The following ATP5F1A variants were observed in gnomAD, a reference collection of about 807,000 sequenced individuals.
ATP5F1A encodes the protein ATP synthase F(1) complex subunit alpha, mitochondrial.
ATP5F1A carries 24 observed loss-of-function variants against 57.4 expected under a neutral mutation model. The ratio of observed to expected loss-of-function variants is 0.42; its 90% CI spans 0.30 to 0.59. ATP5F1A has a LOEUF of 0.59. Among genes scored for constraint, ATP5F1A ranks in the 20% least tolerant of loss-of-function variants. The probability of loss-of-function intolerance (pLI) is 0.19; values close to 1 mark genes in which losing one functional copy is unlikely to be tolerated. For missense variants in ATP5F1A, 494 were observed against 707.9 expected, an observed-to-expected ratio of 0.70 and a Z score of 3.43; for synonymous variants, 251 against 255.5, an observed-to-expected ratio of 0.98 and a Z score of 0.17.
At position 46,091,678 on chromosome 18, in the gene ATP5F1A, T is replaced by C. The variant is rs575519975; in HGVS notation, c.309+4A>G. ...AAACACCAAAATCTTATTTTATAAT[T>C]TACCTTTAAGCCTGAAGAAAACTCT... On this transcript the variant is annotated splice_donor_region_variant and intron_variant, in intron 3 of 11. Coordinates refer to ENST00000398752, the MANE Select transcript of ATP5F1A (RefSeq NM_004046.6). The C allele has an allele frequency of 7.0e-6, 11 of 1,571,582 alleles. No individual in the cohort carries two copies. In the South Asian group the frequency reaches 1.1e-4, roughly 15 times the overall value.
At chr18:46,103,651 C>T (rs1449582705) in intron 1 of ATP5F1A, among the ~76,000 whole-genome samples, 1 of 137,744 alleles carries the variant, frequency 7.3e-6, no homozygotes, top group Non-Finnish European at 1.5e-5. Context: ...CGCGCTGGCT[C>T]ACGCCTGTAA....
chr18:46,088,910 C>G (rs1380695489), intron 5 of ATP5F1A, among the ~76,000 whole-genome samples: 4 of 152,006 alleles, frequency 2.6e-5, no homozygotes, highest in Non-Finnish European at 5.9e-5. Flanking sequence ...GTGAGATATG[C>G]TGGCAGCAAT....
chr18:46,085,335 A>AAGAC (rs1910004500), intron 10 of ATP5F1A: 1 of 151,308 alleles, frequency 6.6e-6, no homozygotes, highest in Non-Finnish European at 1.5e-5. Context: ...GAAAGAAAGA[A>AAGAC]AAAGAAAGAT....
chr18:46,087,658 T>G (rs1423388676), intron 6 of ATP5F1A, 166 bp from the exon 7 acceptor site: 2 of 722,778 alleles, frequency 2.8e-6, no homozygotes. Context: ...AGGCGGGTGA[T>G]CACCTGAGGT....
upstream of ATP5F1A, among the ~76,000 whole-genome samples, chr18:46,101,596 A>C (rs1911276440): frequency 6.7e-6 from 1 of 148,812 alleles, no homozygotes; most frequent in South Asian, 2.1e-4. Context: ...AAACAACAAC[A>C]ACAATAACAA....
chr18:46,103,974 C>A (rs1468600055), intron 1 of ATP5F1A, among the ~76,000 whole-genome samples: 1 of 152,078 alleles, frequency 6.6e-6, no homozygotes, highest in African/African-American at 2.4e-5. Flanking sequence ...GTTAAGATTG[C>A]CTCAGCTCAT....
upstream of ATP5F1A, among the ~76,000 whole-genome samples, chr18:46,101,777 A>G (rs1355875766): frequency 1.3e-5 from 2 of 151,686 alleles, no homozygotes; most frequent in African/African-American, 2.4e-5. Context: ...CTGTAATCCC[A>G]GCTATTTAGG....
At chr18:46,098,680 G>A (rs1325965790), upstream of ATP5F1A, among the ~76,000 whole-genome samples, 2 of 152,198 alleles carry the variant, frequency 1.3e-5, no homozygotes, top group African/African-American at 4.8e-5. Context: ...GTTAGACCGT[G>A]GTTTAGCACG....
Position 46,089,496 on chromosome 18 carries a change from A to G in ATP5F1A, c.650+70T>C, listed in dbSNP as rs1910385056. 3 of 1,563,176 alleles carry G rather than the reference A, an allele frequency of 1.9e-6. No individual in the cohort carries two copies. In the African/African-American group the frequency reaches 4.1e-5, roughly 21 times the overall value. ...TGTCCCCATTACCATTTACCATTCC[A>G]AGACTAAAATATAATCCTTCCATTG... On this transcript the variant is annotated intron_variant, in intron 5 of 11. Coordinates refer to ENST00000398752, the MANE Select transcript of ATP5F1A (RefSeq NM_004046.6).
At chr18:46,095,508 G>A (rs1214950882) in intron 1 of ATP5F1A, among the ~76,000 whole-genome samples, 1 of 151,830 alleles carries the variant, frequency 6.6e-6, no homozygotes, top group East Asian at 1.9e-4. Flanking sequence ...GTAGAGACGG[G>A]GTTTCACCAT....
At chr18:46,088,853 G>A (rs866338151) in intron 5 of ATP5F1A, among the ~76,000 whole-genome samples, 4 of 151,864 alleles carry the variant, frequency 2.6e-5, no homozygotes, top group Non-Finnish European at 2.9e-5. Context: ...AAACCCAATC[G>A]TACATTCTAT....
chr18:46,091,620 G>A (rs996150382), intron 3 of ATP5F1A, 62 bp downstream of exon 3: 45 of 1,443,554 alleles, frequency 3.1e-5, no homozygotes, highest in South Asian at 2.5e-4. Flanking sequence ...TCTTTGAATC[G>A]CTAAATGAAT....
At chr18:46,097,779 C>T in intron 1 of ATP5F1A, 1 of 1,023,298 alleles carries the variant, frequency 9.8e-7, no homozygotes, top group Non-Finnish European at 1.2e-6. Flanking sequence ...GAGCTGACAG[C>T]AGTTTTCTGA....
rs1227311505 is a variant in ATP5F1A, at chr18:46,082,293, G to C, written c.*1989C>G. The C allele has an allele frequency of 6.6e-6, 1 of 151,546 alleles. No homozygotes were observed. The highest frequency in any genetic ancestry group is 1.5e-5 in the Non-Finnish European group (1 of 67,996). The allele number at this position is 151,546 out of a possible 1,614,324, so 9.4% of individuals were successfully genotyped here. On this transcript the variant is annotated 3_prime_UTR_variant, in exon 12 of 12. Coordinates refer to ENST00000398752, the MANE Select transcript of ATP5F1A (RefSeq NM_004046.6). Reference sequence around the variant, plus strand: ...TAGTACCAGCTAATCGGGAGGCTGAGGCAGGAGAACGGCGCAAACCCAGGG... The same window carrying C: ...TAGTACCAGCTAATCGGGAGGCTGACGCAGGAGAACGGCGCAAACCCAGGG...
chr18:46,091,998 C>T, intron 2 of ATP5F1A, 147 bp from the exon 3 acceptor site: 2 of 574,480 alleles, frequency 3.5e-6, no homozygotes, highest in Admixed American at 3.9e-5. Flanking sequence ...CATGGAGAAC[C>T]CTGTCTCTAC....
upstream of ATP5F1A, chr18:46,098,408 GTTAC>G: frequency 7.4e-7 from 1 of 1,360,474 alleles, no homozygotes; most frequent in South Asian, 1.8e-5. Context: ...TTTTTGGCAG[GTTAC>G]TTATTTTTTT....
chr18:46,095,652 T>C (rs892927260), intron 1 of ATP5F1A, among the ~76,000 whole-genome samples: 1 of 151,754 alleles, frequency 6.6e-6, no homozygotes, highest in African/African-American at 2.4e-5. Flanking sequence ...GTCTCACTCT[T>C]GTCACCCAGG....
chr18:46,086,695 G>A lies in ATP5F1A; in HGVS notation c.1177-201C>T, dbSNP rs986545102. ...CATGAGATGAGAAAAAAACATAATA[G>A]GCAACATATTTATACTGAAATACAT... is the stretch of plus-strand genomic sequence containing the variant. On this transcript the variant is annotated intron_variant, in intron 8 of 11. Coordinates refer to ENST00000398752, the MANE Select transcript of ATP5F1A (RefSeq NM_004046.6). 1.8e-5 allele frequency: 11 copies of A among 601,972 alleles called. No individual in the cohort carries two copies. In the African/African-American group the frequency reaches 2.0e-4, roughly 11 times the overall value. 37.3% of individuals were successfully genotyped at this position (601,972 alleles called of 1,614,324 possible).
intron 1 of ATP5F1A, among the ~76,000 whole-genome samples, chr18:46,103,823 A>G (rs1911365761): frequency 6.6e-6 from 1 of 151,808 alleles, no homozygotes; most frequent in Non-Finnish European, 1.5e-5. Flanking sequence ...CTGAGACAGA[A>G]GAATCGCTTG....
Sources: gnomAD v4.1 joint callset for allele counts (sites outside exome capture counted in the v4.1 genomes callset) on GRCh38, gnomAD v4.1.1 for gene constraint, MANE v1.5 for transcripts, NCBI Gene and HGNC (gene_info 2026-07-23, HGNC 2026-07-21) for gene names.